PRDM5: variants seen among roughly 807,000 people sequenced by gnomAD.
The protein encoded by PRDM5 is PR/SET domain 5.
A neutral mutation model predicts 81.2 loss-of-function variants in PRDM5; 56 were observed. The ratio of observed to expected loss-of-function variants is 0.69; its 90% CI spans 0.56 to 0.86. The LOEUF (loss-of-function observed/expected upper bound fraction) is 0.86, where lower values mean the gene tolerates loss of function less well. Among genes scored for constraint, PRDM5 ranks in the 40% least tolerant of loss-of-function variants. The pLI, the probability that PRDM5 is intolerant of heterozygous loss-of-function variation, is 0.00. For missense variants in PRDM5, 697 were observed against 770.1 expected (o/e 0.91, Z 1.12); for synonymous variants, 267 against 256.4 (o/e 1.04, Z -0.39).
At chr4:120,706,555 C>T (rs1336218370) in intron 15 of PRDM5, among the ~76,000 whole-genome samples, 1 of 151,864 alleles carries the variant, frequency 6.6e-6, no homozygotes, top group Non-Finnish European at 1.5e-5. Flanking sequence ...TTGAAAATAT[C>T]TGCCTAGGGT....
chr4:120,738,001 T>C (rs1364241667), intron 14 of PRDM5, among the ~76,000 whole-genome samples: 1 of 152,208 alleles, frequency 6.6e-6, no homozygotes, highest in Non-Finnish European at 1.5e-5. Context: ...ACAATTCCTG[T>C]CTACATGAAA....
chr4:120,901,739 A>C (rs943886878), intron 2 of PRDM5, among the ~76,000 whole-genome samples: 1 of 152,266 alleles, frequency 6.6e-6, no homozygotes, highest in African/African-American at 2.4e-5. Context: ...ACCCAGAATT[A>C]AGATATTTTA....
intron 15 of PRDM5, among the ~76,000 whole-genome samples, chr4:120,704,575 A>G (rs1214116437): frequency 2.0e-5 from 3 of 152,238 alleles, no homozygotes; most frequent in Admixed American, 2.0e-4. Context: ...CAGTTAACAC[A>G]TACTTATCAC....
intron 10 of PRDM5, among the ~76,000 whole-genome samples, chr4:120,794,647 G>T (rs924705450): frequency 1.4e-5 from 2 of 147,012 alleles, no homozygotes; most frequent in Non-Finnish European, 3.0e-5. Context: ...TTTTTAAGAC[G>T]GAGTTTCGCT....
intron 2 of PRDM5, among the ~76,000 whole-genome samples, chr4:120,877,333 T>G (rs1463650884): frequency 6.6e-6 from 1 of 152,246 alleles, no homozygotes; most frequent in African/African-American, 2.4e-5. Context: ...TCACTTAGGT[T>G]GAAATTTTAA....
intron 2 of PRDM5, among the ~76,000 whole-genome samples, chr4:120,884,130 AAG>A (rs1763147349): frequency 6.6e-6 from 1 of 152,228 alleles, no homozygotes; most frequent in Admixed American, 6.5e-5. Context: ...ATATTGAAAT[AAG>A]AGTTACTTTA....
In PRDM5 at chr4:120,712,387, C is replaced by CT. The variant is rs541385980; in HGVS notation, c.1624-1975dup. 3.0e-4 allele frequency among the ~76,000 whole-genome samples: 45 copies of CT among 152,212 alleles called. No individual in the cohort carries two copies. The East Asian group carries it at 6.8e-3, about 23-fold the overall frequency. On this transcript the variant is annotated intron_variant, in intron 14 of 15. Coordinates refer to ENST00000264808, the MANE Select transcript of PRDM5 (RefSeq NM_018699.4). ...CTCTCTAGTATCAAAAAATCTATAA[C>CT]TTTTTTTGCAGACCTATAAAAAACA...
At chr4:120,805,355 G>A (rs974536088) in intron 8 of PRDM5, among the ~76,000 whole-genome samples, 1 of 152,196 alleles carries the variant, frequency 6.6e-6, no homozygotes, top group African/African-American at 2.4e-5. Flanking sequence ...ATTTTGTGAG[G>A]CCAGCATCAT....
rs574429547 is a variant in PRDM5 at position 120,860,699 on chromosome 4, G to T, written c.178-7159C>A. The stretch of plus-strand genomic sequence containing the variant: ...TAGGGGTTTTCTGTAAAACATGCTG[G>T]TTTTTATGCACGAATGTTACAGCAT... On this transcript the variant is annotated intron_variant, in intron 2 of 15. Transcript: ENST00000264808. 3.3e-5 allele frequency among the ~76,000 whole-genome samples: 5 copies of T among 151,646 alleles called. No homozygotes were observed. The East Asian group carries it at 9.7e-4, about 29-fold the overall frequency.
chr4:120,882,824 T>G (rs1336214393), intron 2 of PRDM5, among the ~76,000 whole-genome samples: 1 of 152,216 alleles, frequency 6.6e-6, no homozygotes, highest in Non-Finnish European at 1.5e-5. Flanking sequence ...AGATATAATT[T>G]TCAAAACAAC....
chr4:120,898,943 T>G (rs1301355424), intron 2 of PRDM5, among the ~76,000 whole-genome samples: 1 of 152,174 alleles, frequency 6.6e-6, no homozygotes, highest in Non-Finnish European at 1.5e-5. Context: ...CCTATTTTTG[T>G]TTTGTGAAGA....
At chr4:120,852,630 A>G (rs72680435) in intron 3 of PRDM5, among the ~76,000 whole-genome samples, 2,371 of 152,146 alleles carry the variant, frequency 0.016, 34 homozygotes, top group South Asian at 0.033. Flanking sequence ...TCCTATAATC[A>G]TTGTGAGGTA....
In PRDM5 at chr4:120,741,414, G is replaced by A. The variant is rs538255362; in HGVS notation, c.1623+13139C>T. On this transcript the variant is annotated intron_variant, in intron 14 of 15. Coordinates refer to ENST00000264808, the MANE Select transcript of PRDM5 (RefSeq NM_018699.4). ...ATTGGTCAAAATTTTTGGTTATCAG[G>A]GGGGAGGAGCCAAGATGGCCGAATA... 1.5e-4 allele frequency among the ~76,000 whole-genome samples: 23 copies of A among 151,762 alleles called. No individual in the cohort carries two copies. The South Asian group carries it at 2.3e-3, about 15-fold the overall frequency.
At chr4:120,861,089 C>T (rs1249416767) in intron 2 of PRDM5, among the ~76,000 whole-genome samples, 2 of 152,152 alleles carry the variant, frequency 1.3e-5, no homozygotes, top group Non-Finnish European at 2.9e-5. Context: ...CTCAGTGCAA[C>T]CTGTGTCTCC....
At chr4:120,870,533 T>C (rs1030228667) in intron 2 of PRDM5, among the ~76,000 whole-genome samples, 1 of 151,960 alleles carries the variant, frequency 6.6e-6, no homozygotes, top group Non-Finnish European at 1.5e-5. Flanking sequence ...ATTCAGAGAA[T>C]AGCAGGGAGA....
chr4:120,863,191 T>TATACACACACACACACACAC (rs1553997193), intron 2 of PRDM5, among the ~76,000 whole-genome samples: 4 of 70,318 alleles, frequency 5.7e-5, no homozygotes, highest in Non-Finnish European at 8.3e-5. Context: ...TATATATATA[T>TATACACACACACACACACAC]ACACACACAC....
chr4:120,768,257 A>C (rs1175315164), intron 13 of PRDM5, among the ~76,000 whole-genome samples: 6 of 152,206 alleles, frequency 3.9e-5, no homozygotes, highest in Non-Finnish European at 2.9e-5. Context: ...GAGATAACTT[A>C]AAACAGAATT....
chr4:120,867,583 CAT>C (rs1463743903), intron 2 of PRDM5, among the ~76,000 whole-genome samples: 1 of 152,132 alleles, frequency 6.6e-6, no homozygotes, highest in African/African-American at 2.4e-5. Context: ...CTCATAAAGA[CAT>C]AATAAACCAT....
intron 14 of PRDM5, among the ~76,000 whole-genome samples, chr4:120,742,442 G>C (rs546811844): frequency 6.6e-6 from 1 of 152,194 alleles, no homozygotes; most frequent in Non-Finnish European, 1.5e-5. Flanking sequence ...TGACTTTGAC[G>C]AGTTGAGAGA....
Sources: allele counts gnomAD v4.1 joint callset (sites outside exome capture counted in the v4.1 genomes callset), GRCh38; gene constraint gnomAD v4.1.1; transcripts MANE v1.5; gene names NCBI Gene and HGNC (gene_info 2026-07-23, HGNC 2026-07-21).